ZFAT: variants seen among roughly 807,000 people sequenced by gnomAD.
ZFAT encodes zinc finger protein ZFAT.
ZFAT carries 64 observed loss-of-function variants against 117.7 expected under a neutral mutation model. The observed-to-expected ratio is 0.54, with a 90% CI of 0.44 to 0.67. The LOEUF (loss-of-function observed/expected upper bound fraction) is 0.67, where lower values mean the gene tolerates loss of function less well. Among genes scored for constraint, ZFAT ranks in the 30% least tolerant of loss-of-function variants. The pLI is 0.00. For synonymous variants in ZFAT, 679 were observed against 615.0 expected, an observed-to-expected ratio of 1.10 and a Z score of -1.54; for missense variants, 1,433 against 1,584.5, an observed-to-expected ratio of 0.90 and a Z score of 1.62.
intron 10 of ZFAT, 38 bp from the exon 11 acceptor site, chr8:134,565,459 C>T (rs201979812): frequency 3.4e-5 from 54 of 1,583,332 alleles, no homozygotes; most frequent in Non-Finnish European, 4.6e-5. Flanking sequence ...CGTCGCCAGG[C>T]CAACAGCTCC....
the ZFAT span, among the ~76,000 whole-genome samples, chr8:134,804,235 A>T: frequency 6.6e-6 from 1 of 152,228 alleles, no homozygotes; most frequent in Non-Finnish European, 1.5e-5. Flanking sequence ...ATCTGAAAGC[A>T]ACAATCTGAA....
Position 134,590,318 on chromosome 8 carries a change from G to C in ZFAT, c.2513C>G (p.Ser838Cys). ...RSYSCPVCEKSFSEDRLIKSH... is the reference protein window; with the variant it reads ...RSYSCPVCEKCFSEDRLIKSH... ...CTTTATCAATCGATCCTCTGAAAAAGACTTTTCACAAACAGGACAAGAATA... is the reference window on the plus strand; with the variant it reads ...CTTTATCAATCGATCCTCTGAAAAACACTTTTCACAAACAGGACAAGAATA... The change falls in exon 8 of 16, where the codon TCT becomes TGT. Residue 838 changes from serine to cysteine, a missense_variant. Physicochemically the swap from Ser to Cys is moderately radical, Grantham distance 112. This residue lies in a region of ZFAT where 503 missense variants were observed against 543.4 expected (regional missense o/e 0.93). Coordinates refer to ENST00000377838, the MANE Select transcript of ZFAT (RefSeq NM_020863.4). The C allele has an allele frequency of 6.2e-7, 1 of 1,613,254 alleles. No homozygotes were observed. Among genetic ancestry groups the C allele is most frequent in the African/African-American group, 1.3e-5 (1 of 75,010 alleles).
Position 134,696,646 on chromosome 8 carries a change from G to C in ZFAT, c.19+16199C>G. On this transcript the variant is annotated intron_variant, in intron 1 of 15. Coordinates refer to ENST00000377838, the MANE Select transcript of ZFAT (RefSeq NM_020863.4). ...TACAGCCACAGCCCTGCCCAGGTGG[G>C]ACAGGGCATCCTGCCGCCACAGAGG... The C allele has an allele frequency of 6.1e-6, 6 of 981,438 alleles. No homozygotes were observed. The South Asian group carries it at 2.8e-4, about 46-fold the overall frequency. The allele number at this position is 981,438 out of a possible 1,614,324, so 60.8% of individuals were successfully genotyped here.
At chr8:134,609,859 A>G (rs1405981595) in intron 4 of ZFAT, among the ~76,000 whole-genome samples, 1 of 152,212 alleles carries the variant, frequency 6.6e-6, no homozygotes, top group African/African-American at 2.4e-5. Flanking sequence ...CCTTCTAAAA[A>G]TACAAAAAAA....
chr8:134,767,930 C>T, the ZFAT span, among the ~76,000 whole-genome samples: 1 of 152,108 alleles, frequency 6.6e-6, no homozygotes. Flanking sequence ...TCTTATTCTT[C>T]TCTCCTTCCT....
intron 6 of ZFAT, 22 bp downstream of exon 6, chr8:134,601,455 C>A: frequency 6.3e-7 from 1 of 1,583,268 alleles, no homozygotes; most frequent in Middle Eastern, 1.7e-4. Flanking sequence ...CAGGGCCACG[C>A]ACCGGCGCTG....
chr8:134,726,510 A>C, the ZFAT span, among the ~76,000 whole-genome samples: 5 of 152,224 alleles, frequency 3.3e-5, no homozygotes, highest in Non-Finnish European at 7.3e-5. Context: ...TTTGCCTCTT[A>C]GTGCACATGC....
intron 7 of ZFAT, chr8:134,599,640 C>A: frequency 2.5e-6 from 1 of 392,898 alleles, no homozygotes; most frequent in Non-Finnish European, 5.0e-6. Context: ...ATTTTTATGC[C>A]AGGAAACCAT....
chr8:134,551,232 C>T (rs1823144334), intron 11 of ZFAT, among the ~76,000 whole-genome samples: 1 of 152,164 alleles, frequency 6.6e-6, no homozygotes, highest in Non-Finnish European at 1.5e-5. Context: ...ATCAAAATCC[C>T]AACTCTAGCT....
chr8:134,647,120 CA>C (rs1329212332), intron 2 of ZFAT, among the ~76,000 whole-genome samples: 1 of 151,952 alleles, frequency 6.6e-6, no homozygotes, highest in Non-Finnish European at 1.5e-5. Flanking sequence ...CAAAAATACT[CA>C]AAAAATACTA....
the ZFAT span, among the ~76,000 whole-genome samples, chr8:134,755,797 G>C: frequency 2.1e-5 from 2 of 95,396 alleles, no homozygotes; most frequent in Non-Finnish European, 3.9e-5. Flanking sequence ...GGGCGACAGA[G>C]CAAAAGCAAG....
In ZFAT at chr8:134,512,505, G is replaced by A; in HGVS notation, c.3331C>T (p.Leu1111Phe). Residue 1111 changes from leucine to phenylalanine, a missense_variant, in exon 14 of 16, where the codon CTC becomes TTC. Transcript: ENST00000377838. ...VQGTQAAVAALQDLRYTSESG... is the reference protein window; with the variant it reads ...VQGTQAAVAAFQDLRYTSESG... ...TCAGAGGTGTATCTCAGGTCCTGGA[G>A]CGCGGCCACCGCTGCCTGTGTCCCT... The A allele has an allele frequency of 2.5e-6, 4 of 1,614,016 alleles. No homozygotes were observed. The highest frequency in any genetic ancestry group is 3.4e-6 in the Non-Finnish European group (4 of 1,179,886).
At chr8:134,488,914 G>A (rs1817845212) in intron 15 of ZFAT, among the ~76,000 whole-genome samples, 1 of 147,126 alleles carries the variant, frequency 6.8e-6, no homozygotes, top group African/African-American at 2.5e-5. Flanking sequence ...CCCAAGGGCT[G>A]GACAGATGCA....
intron 7 of ZFAT, chr8:134,598,994 T>C (rs565196403): frequency 4.1e-4 from 62 of 152,356 alleles, no homozygotes; most frequent in African/African-American, 1.5e-3. Flanking sequence ...TCCCAAGAAC[T>C]TGTTCTCATA....
At chr8:134,693,281 G>A (rs1833672365) in intron 1 of ZFAT, among the ~76,000 whole-genome samples, 1 of 151,836 alleles carries the variant, frequency 6.6e-6, no homozygotes, top group Non-Finnish European at 1.5e-5. Flanking sequence ...CAGAAGTAAG[G>A]AAGTCCTCAC....
At chr8:134,593,067 C>T (rs543307858) in intron 7 of ZFAT, among the ~76,000 whole-genome samples, 24 of 152,264 alleles carry the variant, frequency 1.6e-4, no homozygotes, top group South Asian at 1.0e-3. Context: ...TCCTCCTCTG[C>T]CCTTGGCCTT....
At chr8:134,717,305 G>A (rs1165295909), upstream of ZFAT, among the ~76,000 whole-genome samples, 1 of 151,170 alleles carries the variant, frequency 6.6e-6, no homozygotes, top group Non-Finnish European at 1.5e-5. Context: ...GCAAATGCCT[G>A]CTGCCACCAA....
chr8:134,820,475 C>T, the ZFAT span, among the ~76,000 whole-genome samples: 1 of 152,226 alleles, frequency 6.6e-6, no homozygotes, highest in Non-Finnish European at 1.5e-5. Context: ...CTATATTCTG[C>T]TATGGTAACA....
At chr8:134,718,454 C>G in the ZFAT span, among the ~76,000 whole-genome samples, 1 of 152,142 alleles carries the variant, frequency 6.6e-6, no homozygotes, top group Non-Finnish European at 1.5e-5. Context: ...GCCGAGATCA[C>G]GCCATTCACT....
Sources: gnomAD v4.1 joint callset for allele counts (sites outside exome capture counted in the v4.1 genomes callset) on GRCh38, gnomAD v4.1.1 for gene constraint, gnomAD v4.1.1 regional missense constraint, MANE v1.5 for transcripts, NCBI Gene and HGNC (gene_info 2026-07-23, HGNC 2026-07-21) for gene names.